The following PCCA variants were observed in gnomAD, a reference collection of about 807,000 sequenced individuals.
The protein encoded by PCCA is propionyl-CoA carboxylase subunit alpha, also known as propionyl-CoA carboxylase alpha chain, mitochondrial.
In PCCA, 74 loss-of-function variants were observed where a neutral mutation model predicts 101.3. That is an observed-to-expected ratio of 0.73 (90% confidence interval 0.61 to 0.89). The LOEUF (loss-of-function observed/expected upper bound fraction) is 0.89. Among genes scored for constraint, PCCA ranks in the 40% least tolerant of loss-of-function variants. PCCA has a pLI of 0.00. For synonymous variants in PCCA, 294 were observed against 313.6 expected (o/e 0.94, Z 0.66); for missense variants, 891 against 907.0 (o/e 0.98, Z 0.23).
At chr13:100,107,476 C>T (rs1594116594) in intron 2 of PCCA, among the ~76,000 whole-genome samples, 1 of 151,988 alleles carries the variant, frequency 6.6e-6, no homozygotes. Flanking sequence ...TTCCTTGAGA[C>T]CGAGAGTTCC....
intron 19 of PCCA, among the ~76,000 whole-genome samples, chr13:100,386,219 T>C (rs1214302595): frequency 6.6e-6 from 1 of 152,218 alleles, no homozygotes; most frequent in Non-Finnish European, 1.5e-5. Context: ...TTCTCCCTGC[T>C]ATTGGTTTAA....
At chr13:100,471,136 T>C (rs867831118) in intron 21 of PCCA, among the ~76,000 whole-genome samples, 22 of 152,156 alleles carry the variant, frequency 1.4e-4, no homozygotes, top group Admixed American at 1.3e-4. Context: ...GTAGGGTTAT[T>C]AATTGGCTTA....
chr13:100,200,372 G>T (rs2058400754), intron 6 of PCCA, among the ~76,000 whole-genome samples: 1 of 152,234 alleles, frequency 6.6e-6, no homozygotes, highest in East Asian at 1.9e-4. Flanking sequence ...CCAAAGTGCT[G>T]GGATTACAGG....
At chr13:100,477,874 G>T (rs1351358453) in intron 21 of PCCA, among the ~76,000 whole-genome samples, 2 of 152,186 alleles carry the variant, frequency 1.3e-5, no homozygotes, top group Non-Finnish European at 2.9e-5. Context: ...TCCCTGGATT[G>T]AATGCAGCCC....
chr13:100,437,155 T>C (rs2079993311), intron 20 of PCCA, among the ~76,000 whole-genome samples: 1 of 152,220 alleles, frequency 6.6e-6, no homozygotes, highest in Non-Finnish European at 1.5e-5. Context: ...TCTCAAAGGC[T>C]TGTGCATGCC....
intron 21 of PCCA, among the ~76,000 whole-genome samples, chr13:100,513,785 C>T (rs1442629407): frequency 2.6e-5 from 4 of 152,298 alleles, no homozygotes; most frequent in Non-Finnish European, 2.9e-5. Flanking sequence ...GAACAAGGCA[C>T]GTCGTAAGTC....
At chr13:100,489,307 CA>C (rs71706045) in intron 21 of PCCA, among the ~76,000 whole-genome samples, 17,996 of 145,148 alleles carry the variant, frequency 0.12, 1,926 homozygotes, top group African/African-American at 0.29. Context: ...GACTCCGTCT[CA>C]AAAAAAAAAA....
In PCCA at chr13:100,440,436, A is replaced by G. The variant is rs527305236; in HGVS notation, c.1846-8816A>G. Among the ~76,000 whole-genome samples, 14 of 151,582 alleles carry G rather than the reference A, an allele frequency of 9.2e-5. 1 individual carries two copies. Among genetic ancestry groups the G allele is most frequent in the Admixed American group, 9.2e-4 (14 of 15,210 alleles). On this transcript the variant is annotated intron_variant, in intron 20 of 23. Transcript: ENST00000376285. ...TGATTTTCATATCTACTTGAGAGGA[A>G]GTTAAAAATGTTATTTTCTTTTCAG...
chr13:100,358,487 A>T (rs1003917973), intron 18 of PCCA, among the ~76,000 whole-genome samples: 1 of 152,214 alleles, frequency 6.6e-6, no homozygotes, highest in Non-Finnish European at 1.5e-5. Context: ...GAAAAATGGG[A>T]ACTATCAGCA....
chr13:100,508,881 G>T (rs1300555238), intron 21 of PCCA, among the ~76,000 whole-genome samples: 1 of 152,094 alleles, frequency 6.6e-6, no homozygotes, highest in African/African-American at 2.4e-5. Context: ...ATGTTTCTTT[G>T]TGGATTTTGT....
At chr13:100,173,415 C>T (rs894919141) in intron 6 of PCCA, among the ~76,000 whole-genome samples, 4 of 152,008 alleles carry the variant, frequency 2.6e-5, no homozygotes, top group South Asian at 2.1e-4. Context: ...CCAGGGATGA[C>T]GAGCTGCAGA....
chr13:100,418,012 G>A (rs769458352), intron 19 of PCCA, among the ~76,000 whole-genome samples: 20 of 152,126 alleles, frequency 1.3e-4, no homozygotes, highest in Admixed American at 1.0e-3. Context: ...CTCCCTGCAC[G>A]TGAAGACCAG....
At chr13:100,187,880 T>G (rs2152441610) in intron 6 of PCCA, among the ~76,000 whole-genome samples, 1 of 152,248 alleles carries the variant, frequency 6.6e-6, no homozygotes, top group Middle Eastern at 3.4e-3. Context: ...ACCCAAGGTG[T>G]AGTCTTTTAT....
At chr13:100,263,806 C>CGGT (rs1566821601) in intron 10 of PCCA, among the ~76,000 whole-genome samples, 7 of 133,650 alleles carry the variant, frequency 5.2e-5, no homozygotes, top group East Asian at 4.2e-4. Context: ...ATCATATATA[C>CGGT]AGTATCTGTA....
rs374566196 is a variant in PCCA at position 100,520,634 on chromosome 13, C to CAAAA, written c.2040+5087_2040+5090dup. The stretch of plus-strand genomic sequence containing the variant: ...TGGGCGACAGAGCGAGACTCCGTCT[C>CAAAA]AAAAAAAAAAAAAAAAAAAAAAAGA... On this transcript the variant is annotated intron_variant, in intron 22 of 23. Transcript: ENST00000376285. Among the ~76,000 whole-genome samples, 53 of 68,040 alleles carry CAAAA rather than the reference C, an allele frequency of 7.8e-4. 1 individual carries two copies. Among genetic ancestry groups the CAAAA allele is most frequent in the African/African-American group, 9.7e-4 (16 of 16,522 alleles). The allele number at this position is 68,040 out of a possible 152,430, so 44.6% of individuals were successfully genotyped here. A position where few individuals can be genotyped will look rare whatever the true frequency, so the allele number is the denominator to read the frequency against.
At chr13:100,278,160 T>C (rs1470341988) in intron 12 of PCCA, among the ~76,000 whole-genome samples, 2 of 152,240 alleles carry the variant, frequency 1.3e-5, no homozygotes, top group Non-Finnish European at 2.9e-5. Context: ...TAACTAAGTA[T>C]GTCTAATTAG....
chr13:100,513,707 G>C (rs888695987), intron 21 of PCCA, among the ~76,000 whole-genome samples: 6 of 152,160 alleles, frequency 3.9e-5, no homozygotes, highest in African/African-American at 1.4e-4. Context: ...CTGAATTTAG[G>C]CTTCATATTT....
At position 100,224,310 on chromosome 13, in the gene PCCA, G is replaced by GC. The variant is rs539377611; in HGVS notation, c.601-11529dup. 9.8e-5 allele frequency among the ~76,000 whole-genome samples: 15 copies of GC among 152,346 alleles called. No individual in the cohort carries two copies. The South Asian group carries it at 2.7e-3, about 27-fold the overall frequency. The stretch of plus-strand genomic sequence containing the variant: ...TGGCCAGGGTGCTAAGTCCCTCATT[G>GC]CCCGGGGCCGGCAGGGCCAGCCGGC... On this transcript the variant is annotated intron_variant, in intron 7 of 23. Coordinates refer to ENST00000376285, the MANE Select transcript of PCCA (RefSeq NM_000282.4).
Position 100,278,485 on chromosome 13 carries a change from ATT to A in PCCA, c.1065+5154_1065+5155del, listed in dbSNP as rs35433903. Among the ~76,000 whole-genome samples, 429 of 141,680 alleles carry A rather than the reference ATT, an allele frequency of 3.0e-3. 1 individual carries two copies. Among genetic ancestry groups the A allele is most frequent in the African/African-American group, 0.011 (408 of 38,340 alleles). The allele number at this position is 141,680 out of a possible 152,430, so 92.9% of individuals were successfully genotyped here. ...TTTCTGGTATAAAACCCGATAGTTG[ATT>A]TTTTTTTTTTTTTTAAACAGAGTCT... On this transcript the variant is annotated intron_variant, in intron 12 of 23. Transcript: ENST00000376285.
Sources: allele counts gnomAD v4.1 joint callset (sites outside exome capture counted in the v4.1 genomes callset), GRCh38; gene constraint gnomAD v4.1.1; transcripts MANE v1.5; gene names NCBI Gene and HGNC (gene_info 2026-07-23, HGNC 2026-07-21).